Variants in MEOX2 observed in about 807,000 individuals in gnomAD.
MEOX2 encodes the protein mesenchyme homeobox 2, also known as homeobox protein MOX-2.
A neutral mutation model predicts 27.0 loss-of-function variants in MEOX2; 11 were observed. The observed-to-expected ratio is 0.41, with a 90% CI of 0.26 to 0.68. The LOEUF (loss-of-function observed/expected upper bound fraction) is 0.68. Among genes scored for constraint, MEOX2 ranks in the 30% least tolerant of loss-of-function variants. The pLI, the probability that MEOX2 is intolerant of heterozygous loss-of-function variation, is 0.33. For missense variants in MEOX2, 436 were observed against 385.4 expected, an observed-to-expected ratio of 1.13 and a Z score of -1.10; for synonymous variants, 189 against 155.4, an observed-to-expected ratio of 1.22 and a Z score of -1.61.
At chr7:15,633,972 C>A (rs1056604513) in intron 1 of MEOX2, among the ~76,000 whole-genome samples, 4 of 151,912 alleles carry the variant, frequency 2.6e-5, no homozygotes, top group East Asian at 3.9e-4. Context: ...GGAAAAGTAT[C>A]ATTTATTATT....
intron 1 of MEOX2, chr7:15,675,899 CTG>C (rs1414385467): frequency 6.6e-6 from 1 of 152,206 alleles, no homozygotes; most frequent in African/African-American, 2.4e-5. Flanking sequence ...GAAACACTCT[CTG>C]TTCCTTTAAA....
chr7:15,669,979 C>T (rs1782069868), intron 1 of MEOX2, among the ~76,000 whole-genome samples: 1 of 152,166 alleles, frequency 6.6e-6, no homozygotes. Flanking sequence ...AAAAATGTCT[C>T]CTCCCCATTC....
chr7:15,666,239 A>G (rs796161326), intron 1 of MEOX2, among the ~76,000 whole-genome samples: 2 of 152,326 alleles, frequency 1.3e-5, no homozygotes, highest in African/African-American at 4.8e-5. Flanking sequence ...TGTAATTCTC[A>G]ATGACTTCCA....
intron 1 of MEOX2, among the ~76,000 whole-genome samples, chr7:15,665,790 T>C (rs1217916488): frequency 1.3e-5 from 2 of 152,250 alleles, no homozygotes; most frequent in African/African-American, 4.8e-5. Flanking sequence ...TCTTTACCCT[T>C]ATTGCTGAAA....
Position 15,686,233 on chromosome 7 carries a change from T to C in MEOX2, c.170A>G (p.Glu57Gly). ...GTGATGCTGGCTGGCAAACATGCCC[T>C]CTTCGTTGGGGTATCCCGCGATTAT... The part of the protein sequence containing the change: ...SCIIAGYPNE[E>G]GMFASQHHRG... The change falls in exon 1 of 3, where the codon GAG becomes GGG. Residue 57 changes from glutamate to glycine, a missense_variant. Transcript: ENST00000262041. 3 of 1,612,456 alleles carry C rather than the reference T, an allele frequency of 1.9e-6. No individual in the cohort carries two copies. The highest frequency in any genetic ancestry group is 2.5e-6 in the Non-Finnish European group (3 of 1,179,240).
At chr7:15,632,589 A>T (rs780090938) in intron 1 of MEOX2, among the ~76,000 whole-genome samples, 1 of 152,026 alleles carries the variant, frequency 6.6e-6, no homozygotes, top group African/African-American at 2.4e-5. Flanking sequence ...TAACAAAAAC[A>T]AAGTATTTTT....
In MEOX2 at chr7:15,686,049, TG is replaced by T; in HGVS notation, c.353del (p.Pro118GlnfsTer98). On this transcript the variant is annotated frameshift_variant, in exon 1 of 3. Coordinates refer to ENST00000262041, the MANE Select transcript of MEOX2 (RefSeq NM_005924.5). LOFTEE classifies it high-confidence loss of function. ...LCLQPDSGGP[P>X]ELGSSPPVLC... ...GGACGGGCGGGCTGCTCCCCAACTCTGGGGGCCCTCCAGAGTCGGGCTGGAG... is the reference window on the plus strand; with the variant it reads ...GGACGGGCGGGCTGCTCCCCAACTCTGGGGCCCTCCAGAGTCGGGCTGGAG... 1 of 1,603,988 alleles carries T rather than the reference TG, an allele frequency of 6.2e-7. No individual in the cohort carries two copies.
intron 1 of MEOX2, among the ~76,000 whole-genome samples, chr7:15,641,257 A>G (rs1327107425): frequency 6.6e-6 from 1 of 152,060 alleles, no homozygotes; most frequent in African/African-American, 2.4e-5. Flanking sequence ...GGGAGATTGT[A>G]TGTTTCAGAA....
In MEOX2 at chr7:15,611,955, G is replaced by C; in HGVS notation, c.*432C>G. On this transcript the variant is annotated 3_prime_UTR_variant, in exon 3 of 3. Coordinates refer to ENST00000262041, the MANE Select transcript of MEOX2 (RefSeq NM_005924.5). The stretch of plus-strand genomic sequence containing the variant: ...GATAGCAATTTAATTTTCAGTGCAA[G>C]CAAAAGCAAATACCTGCCCACTGTA... The C allele has an allele frequency of 5.9e-6, 1 of 168,332 alleles. No homozygotes were observed. Among genetic ancestry groups the C allele is most frequent in the Admixed American group, 5.6e-5 (1 of 17,842 alleles). The allele number at this position is 168,332 out of a possible 1,614,324, so 10.4% of individuals were successfully genotyped here. A position where few individuals can be genotyped will look rare whatever the true frequency, so the allele number is the denominator to read the frequency against.
At position 15,632,495 on chromosome 7, in the gene MEOX2, A is replaced by G. The variant is rs1265030529; in HGVS notation, c.518-5577T>C. Among the ~76,000 whole-genome samples the G allele has an allele frequency of 2.0e-5, 3 of 152,034 alleles. No homozygotes were observed. In the East Asian group the frequency reaches 5.8e-4, roughly 29 times the overall value. ...GGTTCTTCTTCCATGACCTAAGTAC[A>G]AATTCACAAAGAACTAAAAATGGTG... On this transcript the variant is annotated intron_variant, in intron 1 of 2. Coordinates refer to ENST00000262041, the MANE Select transcript of MEOX2 (RefSeq NM_005924.5).
chr7:15,639,597 G>T (rs1196987626), intron 1 of MEOX2, among the ~76,000 whole-genome samples: 9 of 151,778 alleles, frequency 5.9e-5, no homozygotes, highest in Admixed American at 5.3e-4. Flanking sequence ...ATAGTTTTGG[G>T]TCTTATGTTT....
At chr7:15,655,544 A>G (rs1161941433) in intron 1 of MEOX2, among the ~76,000 whole-genome samples, 1 of 151,676 alleles carries the variant, frequency 6.6e-6, no homozygotes, top group East Asian at 1.9e-4. Context: ...CTTTAATTAG[A>G]TCCCACAAAA....
At chr7:15,643,386 A>G (rs1049938149) in intron 1 of MEOX2, among the ~76,000 whole-genome samples, 1 of 152,150 alleles carries the variant, frequency 6.6e-6, no homozygotes, top group Non-Finnish European at 1.5e-5. Context: ...CAAGGCAGGT[A>G]CAAGCACTGA....
chr7:15,643,267 A>G (rs1781591615), intron 1 of MEOX2, among the ~76,000 whole-genome samples: 1 of 152,230 alleles, frequency 6.6e-6, no homozygotes, highest in East Asian at 1.9e-4. Context: ...TCCCTGGTGA[A>G]GGGTGGGGCT....
At chr7:15,622,185 A>T (rs560494511) in intron 2 of MEOX2, among the ~76,000 whole-genome samples, 9 of 152,156 alleles carry the variant, frequency 5.9e-5, no homozygotes, top group Non-Finnish European at 1.0e-4. Flanking sequence ...TGTTTGCATG[A>T]TATCTTTCTT....
Position 15,670,831 on chromosome 7 carries a change from G to A in MEOX2, c.517+15055C>T, listed in dbSNP as rs151010004. Among the ~76,000 whole-genome samples the A allele has an allele frequency of 4.9e-3, 744 of 152,172 alleles. 5 individuals carry two copies. Among genetic ancestry groups the A allele is most frequent in the African/African-American group, 0.017 (713 of 41,520 alleles). ...CAGAAAAAGATCATATTTAGACTAC[G>A]GGGTCCTTGACTCTCAGAACTTTTC... On this transcript the variant is annotated intron_variant, in intron 1 of 2. Coordinates refer to ENST00000262041, the MANE Select transcript of MEOX2 (RefSeq NM_005924.5).
At chr7:15,673,528 G>A (rs1394001067) in intron 1 of MEOX2, among the ~76,000 whole-genome samples, 3 of 144,716 alleles carry the variant, frequency 2.1e-5, no homozygotes, top group African/African-American at 5.1e-5. Flanking sequence ...ACAACTGAAG[G>A]TGAATTTACA....
intron 1 of MEOX2, among the ~76,000 whole-genome samples, chr7:15,636,089 G>C (rs1025335132): frequency 2.4e-4 from 36 of 152,026 alleles, no homozygotes; most frequent in African/African-American, 8.7e-4. Context: ...ATTCTGCCTA[G>C]TGGTTAAAGT....
intron 2 of MEOX2, among the ~76,000 whole-genome samples, chr7:15,624,366 T>C (rs1459667513): frequency 2.0e-5 from 3 of 152,240 alleles, no homozygotes; most frequent in African/African-American, 7.2e-5. Context: ...TGTTCTGTGT[T>C]AATTTCCCCC....
Sources: allele counts gnomAD v4.1 joint callset (sites outside exome capture counted in the v4.1 genomes callset), GRCh38; gene constraint gnomAD v4.1.1; transcripts MANE v1.5; gene names NCBI Gene and HGNC (gene_info 2026-07-23, HGNC 2026-07-21).